The following RBM47 variants were observed in gnomAD, a reference collection of about 807,000 sequenced individuals.
RBM47 encodes RNA-binding protein 47.
Under a neutral mutation model 47.1 loss-of-function variants are expected in RBM47, and 21 were observed. The observed-to-expected ratio is 0.45, with a 90% CI of 0.32 to 0.64. RBM47 has a LOEUF of 0.64. Ranked by LOEUF, RBM47 falls within the 30% of genes least tolerant of loss-of-function variation. The probability of loss-of-function intolerance (pLI) is 0.05; values close to 1 mark genes in which losing one functional copy is unlikely to be tolerated. For synonymous variants in RBM47, 375 were observed against 361.7 expected (o/e 1.04, Z -0.42); for missense variants, 708 against 870.9 (o/e 0.81, Z 2.35).
intron 2 of RBM47, among the ~76,000 whole-genome samples, chr4:40,525,641 A>AG (rs1726630055): frequency 6.6e-6 from 1 of 150,752 alleles, no homozygotes; most frequent in African/African-American, 2.5e-5. Flanking sequence ...AAAGAGAGGA[A>AG]GGGGAAAAAA....
At chr4:40,526,781 G>C in intron 2 of RBM47, among the ~76,000 whole-genome samples, 1 of 104,994 alleles carries the variant, frequency 9.5e-6, no homozygotes, top group Admixed American at 1.1e-4. Flanking sequence ...GTGCTGCCCA[G>C]TTTGGTTCTT....
At chr4:40,615,640 G>T (rs997168517) in intron 1 of RBM47, among the ~76,000 whole-genome samples, 1 of 152,072 alleles carries the variant, frequency 6.6e-6, no homozygotes, top group Non-Finnish European at 1.5e-5. Context: ...AATTAGCTGG[G>T]CATAATGGTA....
intron 1 of RBM47, among the ~76,000 whole-genome samples, chr4:40,610,412 G>A (rs897333053): frequency 2.6e-5 from 4 of 151,772 alleles, no homozygotes; most frequent in Non-Finnish European, 5.9e-5. Context: ...CACAAGGTCA[G>A]GAGATGGAGA....
chr4:40,623,057 T>C (rs570408610), intron 1 of RBM47, among the ~76,000 whole-genome samples: 1 of 152,262 alleles, frequency 6.6e-6, no homozygotes, highest in African/African-American at 2.4e-5. Context: ...ATGACCAGGG[T>C]GTATGAGAAC....
intron 2 of RBM47, among the ~76,000 whole-genome samples, chr4:40,485,455 T>C (rs1375212224): frequency 1.3e-5 from 2 of 152,178 alleles, no homozygotes; most frequent in East Asian, 1.9e-4. Flanking sequence ...GGATTCCAAT[T>C]TGAAATCTGT....
At position 40,431,595 on chromosome 4, in the gene RBM47, T is replaced by C. The variant is rs572834020; in HGVS notation, c.1542+1056A>G. Among the ~76,000 whole-genome samples the C allele has an allele frequency of 4.0e-3, 599 of 151,104 alleles. 4 individuals are homozygous for C. The highest frequency in any genetic ancestry group is 0.014 in the African/African-American group (561 of 41,142). ...ATGGCGTGAACCTGGGAGGCGGAGCTTGCAGTGAGCCGAGATGGCGCCACT... is the reference window on the plus strand; with the variant it reads ...ATGGCGTGAACCTGGGAGGCGGAGCCTGCAGTGAGCCGAGATGGCGCCACT... On this transcript the variant is annotated intron_variant, in intron 6 of 6. Coordinates refer to ENST00000295971, the MANE Select transcript of RBM47 (RefSeq NM_001098634.2).
chr4:40,527,977 T>C (rs1268910179), intron 2 of RBM47, among the ~76,000 whole-genome samples: 3 of 152,228 alleles, frequency 2.0e-5, no homozygotes, highest in Non-Finnish European at 4.4e-5. Flanking sequence ...TCAAAATTCA[T>C]ACACTTTACT....
At chr4:40,577,828 A>T (rs1045604124) in intron 1 of RBM47, among the ~76,000 whole-genome samples, 10 of 152,128 alleles carry the variant, frequency 6.6e-5, no homozygotes, top group African/African-American at 2.4e-4. Flanking sequence ...CTCCCTGGTG[A>T]AGAAACCAAC....
At chr4:40,525,826 A>G (rs1056707652) in intron 2 of RBM47, among the ~76,000 whole-genome samples, 6 of 149,986 alleles carry the variant, frequency 4.0e-5, no homozygotes, top group South Asian at 2.1e-4. Context: ...GAAAAGTAAG[A>G]GTTCTTAAGA....
chr4:40,587,257 G>A (rs889133689), intron 1 of RBM47, among the ~76,000 whole-genome samples: 1 of 152,070 alleles, frequency 6.6e-6, no homozygotes, highest in Non-Finnish European at 1.5e-5. Flanking sequence ...GGAATATATG[G>A]GGTGCATCTG....
intron 1 of RBM47, among the ~76,000 whole-genome samples, chr4:40,609,678 A>T (rs916177131): frequency 2.0e-5 from 3 of 152,128 alleles, no homozygotes; most frequent in African/African-American, 7.2e-5. Flanking sequence ...TGCTTTGCGC[A>T]TGAGACAAAG....
At chr4:40,579,504 A>G (rs376102033) in intron 1 of RBM47, among the ~76,000 whole-genome samples, 1 of 152,026 alleles carries the variant, frequency 6.6e-6, no homozygotes, top group South Asian at 2.1e-4. Flanking sequence ...GTAAAACTCT[A>G]TAACTTTAAG....
At chr4:40,518,206 T>C (rs1010589330) in intron 2 of RBM47, among the ~76,000 whole-genome samples, 5 of 114,812 alleles carry the variant, frequency 4.4e-5, no homozygotes, top group Non-Finnish European at 8.2e-5. Flanking sequence ...TCTCACTCTG[T>C]CACCCATGTT....
intron 1 of RBM47, among the ~76,000 whole-genome samples, chr4:40,583,750 CGA>C (rs1309045360): frequency 6.7e-6 from 1 of 150,292 alleles, no homozygotes; most frequent in African/African-American, 2.4e-5. Context: ...CCCAGCTACT[CGA>C]GAGGCTGAGG....
rs1205244986 is a variant in RBM47, at chr4:40,423,565, G to A, written c.*2339C>T. 1 of 152,038 alleles carries A rather than the reference G, an allele frequency of 6.6e-6. No homozygotes were observed. Among genetic ancestry groups the A allele is most frequent in the Non-Finnish European group, 1.5e-5 (1 of 68,022 alleles). The allele number at this position is 152,038 out of a possible 1,614,324, so 9.4% of individuals were successfully genotyped here. ...ATAAGTCCCAGATAGGAGGCTCACTGATACTTAATTGGCCATGTCACCAAT... is the reference window on the plus strand; with the variant it reads ...ATAAGTCCCAGATAGGAGGCTCACTAATACTTAATTGGCCATGTCACCAAT... On this transcript the variant is annotated 3_prime_UTR_variant, in exon 7 of 7. Coordinates refer to ENST00000295971, the MANE Select transcript of RBM47 (RefSeq NM_001098634.2).
At chr4:40,544,595 G>A (rs952539220) in intron 1 of RBM47, 89 bp from the exon 2 acceptor site, 3 of 152,296 alleles carry the variant, frequency 2.0e-5, no homozygotes, top group Non-Finnish European at 2.9e-5. Context: ...CTGGGAGAGC[G>A]GGTGAGAAGA....
intron 6 of RBM47, among the ~76,000 whole-genome samples, chr4:40,428,503 A>G (rs1715400731): frequency 6.6e-6 from 1 of 152,352 alleles, no homozygotes; most frequent in East Asian, 1.9e-4. Flanking sequence ...CCAGAACTGG[A>G]AAGACTGTGG....
intron 3 of RBM47, among the ~76,000 whole-genome samples, chr4:40,460,888 C>CAAAAAA (rs35536750): frequency 1.1e-5 from 1 of 92,962 alleles, no homozygotes; most frequent in Non-Finnish European, 2.0e-5. Context: ...GACTCTGTCT[C>CAAAAAA]AAAAAAAAAA....
At chr4:40,523,358 C>G (rs1409923495) in intron 2 of RBM47, among the ~76,000 whole-genome samples, 1 of 151,876 alleles carries the variant, frequency 6.6e-6, no homozygotes, top group Non-Finnish European at 1.5e-5. Context: ...AGTTCAAGAT[C>G]AGCCATGGTA....
Sources: gnomAD v4.1 joint callset for allele counts (sites outside exome capture counted in the v4.1 genomes callset) on GRCh38, gnomAD v4.1.1 for gene constraint, MANE v1.5 for transcripts, NCBI Gene and HGNC (gene_info 2026-07-23, HGNC 2026-07-21) for gene names.